Variants in MYRFL observed in about 807,000 individuals in gnomAD.
MYRFL encodes the protein myelin regulatory factor like, also known as myelin regulatory factor-like protein.
MYRFL carries 88 observed loss-of-function variants against 109.4 expected under a neutral mutation model. That is an observed-to-expected ratio of 0.80 (90% CI 0.68 to 0.96). MYRFL has a LOEUF of 0.96. MYRFL is among the 40% of genes least tolerant of loss of function. The pLI is 0.00. For missense variants in MYRFL, 957 were observed against 954.9 expected (o/e 1.00, Z -0.03); for synonymous variants, 324 against 320.9 (o/e 1.01, Z -0.10).
intron 13 of MYRFL, among the ~76,000 whole-genome samples, chr12:69,914,896 G>A (rs1159681322): frequency 1.3e-5 from 2 of 152,164 alleles, no homozygotes; most frequent in Non-Finnish European, 2.9e-5. Flanking sequence ...CTATGGAGAT[G>A]TCACTAAGGC....
intron 10 of MYRFL, among the ~76,000 whole-genome samples, chr12:69,898,378 G>A (rs1056043194): frequency 9.2e-5 from 14 of 152,192 alleles, no homozygotes; most frequent in African/African-American, 3.4e-4. Flanking sequence ...CCCAGGGTTA[G>A]GGAAGGACAT....
At chr12:69,927,118 T>G (rs796708997) in intron 14 of MYRFL, among the ~76,000 whole-genome samples, 20 of 151,898 alleles carry the variant, frequency 1.3e-4, no homozygotes, top group African/African-American at 4.3e-4. Flanking sequence ...CTAATTTTTG[T>G]ATTTTTAGTA....
At chr12:69,863,983 C>G (rs1384945524) in intron 2 of MYRFL, among the ~76,000 whole-genome samples, 1 of 152,190 alleles carries the variant, frequency 6.6e-6, no homozygotes, top group Admixed American at 6.5e-5. Flanking sequence ...CCACTGCCTT[C>G]TAGCCTCCAT....
Position 69,866,617 on chromosome 12 carries a change from A to T in MYRFL, c.137+11247A>T, listed in dbSNP as rs143087662. 4.7e-3 allele frequency among the ~76,000 whole-genome samples: 721 copies of T among 152,260 alleles called. 8 individuals carry two copies. The highest frequency in any genetic ancestry group is 0.016 in the African/African-American group (672 of 41,550). ...CAAATCATGTTACTTCCCCTCTACC[A>T]TATTGCCTACAATGTGTGTCTTCTA... On this transcript the variant is annotated intron_variant, in intron 2 of 24. Coordinates refer to ENST00000552032, the MANE Select transcript of MYRFL (RefSeq NM_182530.3).
chr12:69,875,608 A>G (rs1484000401), intron 2 of MYRFL, among the ~76,000 whole-genome samples: 1 of 152,204 alleles, frequency 6.6e-6, no homozygotes, highest in Admixed American at 6.5e-5. Context: ...CTGCAAGAGC[A>G]TTCCCGCCTG....
chr12:69,900,893 G>T (rs1954161348), intron 10 of MYRFL, among the ~76,000 whole-genome samples: 1 of 152,218 alleles, frequency 6.6e-6, no homozygotes, highest in African/African-American at 2.4e-5. Flanking sequence ...GAGAGCAGAT[G>T]AAGCAATTAT....
chr12:69,935,247 T>TAATG (rs1004613811), intron 16 of MYRFL, among the ~76,000 whole-genome samples: 24 of 151,876 alleles, frequency 1.6e-4, no homozygotes, highest in African/African-American at 5.3e-4. Context: ...GGAAGCAAAA[T>TAATG]AATGAGGAGT....
intron 1 of MYRFL, among the ~76,000 whole-genome samples, chr12:69,849,520 G>T (rs1883758182): frequency 6.6e-6 from 1 of 152,110 alleles, no homozygotes; most frequent in Non-Finnish European, 1.5e-5. Flanking sequence ...AAATACTTTG[G>T]ATACTTTTAT....
chr12:69,958,340 T>A lies in MYRFL; in HGVS notation c.2646+17T>A. On this transcript the variant is annotated intron_variant, in intron 24 of 24. Transcript: ENST00000552032. ...GCTGCACCGGTAAGCTTGCTTTTTC[T>A]TTTTCTTTTCAGTGAGAAAGAAATT... 6.5e-7 allele frequency: 1 copy of A among 1,533,290 alleles called. No individual in the cohort carries two copies. Among genetic ancestry groups the A allele is most frequent in the South Asian group, 1.2e-5 (1 of 82,978 alleles). 95.0% of individuals were successfully genotyped at this position (1,533,290 alleles called of 1,614,324 possible). A position where few individuals can be genotyped will look rare whatever the true frequency, so the allele number is the denominator to read the frequency against.
At chr12:69,901,895 TTTTTTTAAA>T (rs1247946909) in intron 10 of MYRFL, among the ~76,000 whole-genome samples, 1 of 149,820 alleles carries the variant, frequency 6.7e-6, no homozygotes, top group African/African-American at 2.5e-5. Flanking sequence ...TTTTTTTTGT[TTTTTTTAAA>T]TTTTCTTGAG....
intron 2 of MYRFL, among the ~76,000 whole-genome samples, chr12:69,869,448 A>C (rs367766838): frequency 8.5e-5 from 13 of 152,350 alleles, no homozygotes; most frequent in African/African-American, 3.1e-4. Flanking sequence ...TCACTCAGTA[A>C]GATGAAGACA....
chr12:69,855,401 A>C, intron 2 of MYRFL, 31 bp downstream of exon 2: 3 of 699,844 alleles, frequency 4.3e-6, no homozygotes, highest in Non-Finnish European at 7.8e-6. Flanking sequence ...TCTCTAGTTG[A>C]TGTTTAAAAT....
intron 1 of MYRFL, among the ~76,000 whole-genome samples, chr12:69,829,112 C>T (rs902207459): frequency 1.3e-5 from 2 of 151,998 alleles, no homozygotes; most frequent in Non-Finnish European, 2.9e-5. Flanking sequence ...AACTCTGGCT[C>T]ACTTGTTGAG....
intron 2 of MYRFL, among the ~76,000 whole-genome samples, chr12:69,875,942 C>G (rs1885638571): frequency 6.6e-6 from 1 of 152,162 alleles, no homozygotes; most frequent in African/African-American, 2.4e-5. Flanking sequence ...TAGTCAATCA[C>G]TTTGCTTAGA....
intron 21 of MYRFL, among the ~76,000 whole-genome samples, chr12:69,953,852 A>T (rs1411228261): frequency 2.0e-5 from 3 of 152,002 alleles, no homozygotes; most frequent in African/African-American, 7.2e-5. Flanking sequence ...GGCACCTCCT[A>T]GATTAAAGGC....
intron 16 of MYRFL, among the ~76,000 whole-genome samples, chr12:69,935,483 A>ATTTG (rs944662093): frequency 2.6e-5 from 4 of 152,316 alleles, no homozygotes; most frequent in African/African-American, 9.6e-5. Context: ...GAAAGCTTCC[A>ATTTG]TTTGTTTATG....
chr12:69,921,688 AC>A (rs1240425052), intron 13 of MYRFL, among the ~76,000 whole-genome samples: 3 of 152,106 alleles, frequency 2.0e-5, no homozygotes, highest in Non-Finnish European at 4.4e-5. Context: ...TTTCCTCTCC[AC>A]TTTTATTTCC....
chr12:69,855,897 T>G (rs1309280242), intron 2 of MYRFL, among the ~76,000 whole-genome samples: 2 of 152,152 alleles, frequency 1.3e-5, no homozygotes, highest in Non-Finnish European at 2.9e-5. Flanking sequence ...ATTTCATTGA[T>G]TTCTGCTCTT....
chr12:69,931,075 G>C (rs1955257663), intron 15 of MYRFL, among the ~76,000 whole-genome samples: 1 of 152,112 alleles, frequency 6.6e-6, no homozygotes, highest in African/African-American at 2.4e-5. Flanking sequence ...TAAAGAAAAT[G>C]AGGATCAATA....
Sources: allele counts gnomAD v4.1 joint callset (sites outside exome capture counted in the v4.1 genomes callset), GRCh38; gene constraint gnomAD v4.1.1; transcripts MANE v1.5; gene names NCBI Gene and HGNC (gene_info 2026-07-23, HGNC 2026-07-21).